The following VSIG10 variants were observed in gnomAD, a reference collection of about 807,000 sequenced individuals.
The protein encoded by VSIG10 is V-set and immunoglobulin domain-containing protein 10.
Under a neutral mutation model 58.7 loss-of-function variants are expected in VSIG10, and 48 were observed. That is an observed-to-expected ratio of 0.82 (90% CI 0.65 to 1.04). The LOEUF (loss-of-function observed/expected upper bound fraction) is 1.04, where lower values mean the gene tolerates loss of function less well. Among genes scored for constraint, VSIG10 ranks in the 50% least tolerant of loss-of-function variants. VSIG10 has a pLI of 0.00. For synonymous variants in VSIG10, 260 were observed against 267.1 expected, an observed-to-expected ratio of 0.97 and a Z score of 0.26; for missense variants, 628 against 670.0, an observed-to-expected ratio of 0.94 and a Z score of 0.69.
At chr12:118,102,337 C>G (rs2033642661) in intron 1 of VSIG10, 1 of 152,378 alleles carries the variant, frequency 6.6e-6, no homozygotes, top group African/African-American at 2.4e-5. Context: ...CTGTCCTCCC[C>G]CATCACCCAC....
intron 4 of VSIG10, among the ~76,000 whole-genome samples, chr12:118,079,050 A>G (rs540541553): frequency 6.6e-6 from 1 of 151,702 alleles, no homozygotes; most frequent in Non-Finnish European, 1.5e-5. Flanking sequence ...TGAACCTCAT[A>G]TGTCTTGTTC....
intron 3 of VSIG10, among the ~76,000 whole-genome samples, chr12:118,081,486 C>T (rs775773277): frequency 6.6e-6 from 1 of 151,720 alleles, no homozygotes; most frequent in Non-Finnish European, 1.5e-5. Context: ...TGAGCCCATT[C>T]AATTGTACAT....
At chr12:118,072,091 C>T (rs2032517906) in intron 5 of VSIG10, among the ~76,000 whole-genome samples, 1 of 152,016 alleles carries the variant, frequency 6.6e-6, no homozygotes, top group Non-Finnish European at 1.5e-5. Context: ...ATCACTTGAA[C>T]CCGGGAGGCG....
At position 118,096,316 on chromosome 12, in the gene VSIG10, C is replaced by T. The variant is rs367630438; in HGVS notation, c.80-502G>A. Among the ~76,000 whole-genome samples, 57 of 151,446 alleles carry T rather than the reference C, an allele frequency of 3.8e-4. No homozygotes were observed. The South Asian group carries it at 5.1e-3, about 13-fold the overall frequency. On this transcript the variant is annotated intron_variant, in intron 1 of 8. Coordinates refer to ENST00000359236, the MANE Select transcript of VSIG10 (RefSeq NM_019086.6). The stretch of plus-strand genomic sequence containing the variant: ...AATTGTGGCCGGGCATGGTGGCTAA[C>T]GCCTGTAATCCCAGCACTTTGGGAG...
intron 4 of VSIG10, among the ~76,000 whole-genome samples, chr12:118,076,197 C>CG (rs1460566132): frequency 6.6e-6 from 1 of 152,112 alleles, no homozygotes; most frequent in Non-Finnish European, 1.5e-5. Context: ...GAGTCTAGAA[C>CG]GTCTTACAAG....
Position 118,071,465 on chromosome 12 carries a change from A to C in VSIG10, c.1224T>G (p.Pro408=). 1 of 1,613,774 alleles carries C rather than the reference A, an allele frequency of 6.2e-7. No individual in the cohort carries two copies. The highest frequency in any genetic ancestry group is 8.5e-7 in the Non-Finnish European group (1 of 1,179,704). The change falls in exon 6 of 9, where the codon CCT becomes CCG. Residue 408 remains proline (P), a synonymous_variant. Transcript: ENST00000359236. The stretch of plus-strand genomic sequence containing the variant: ...TTCCCACAATCCCCCCGATATTTAA[A>C]GGTTCTGTAAAGACAAATCACACCA... ...EMEIWLSVKE[P]LNIGGIVGTI... is the part of the protein sequence containing the mutation.
chr12:118,085,178 G>C lies in VSIG10; in HGVS notation c.362-2749C>G, dbSNP rs897612110. 5.9e-5 allele frequency among the ~76,000 whole-genome samples: 9 copies of C among 152,232 alleles called. 1 individual carries two copies. In the East Asian group the frequency reaches 1.7e-3, roughly 29 times the overall value. On this transcript the variant is annotated intron_variant, in intron 2 of 8. Coordinates refer to ENST00000359236, the MANE Select transcript of VSIG10 (RefSeq NM_019086.6). The stretch of plus-strand genomic sequence containing the variant: ...GGCCTACACTGTGAGAAGACATAGC[G>C]ACACCACCACCAACACAGACAAAGA...
In VSIG10 at chr12:118,082,408, ACCTCAATCT is replaced by A; in HGVS notation, c.374_382del (p.Gln125_Val128delinsLeu). The A allele has an allele frequency of 6.2e-7, 1 of 1,611,394 alleles. No individual in the cohort carries two copies. The highest frequency in any genetic ancestry group is 1.3e-5 in the African/African-American group (1 of 74,982). On this transcript the variant is annotated inframe_deletion, in exon 3 of 9. Coordinates refer to ENST00000359236, the MANE Select transcript of VSIG10 (RefSeq NM_019086.6). ...GAGTGTGCCGGTGGCCACGATGTGGACCTCAATCTGATAGGGGCCGCCTGGGGATGACAG... is the reference window on the plus strand; with the variant it reads ...GAGTGTGCCGGTGGCCACGATGTGGAGATAGGGGCCGCCTGGGGATGACAG...
At position 118,087,854 on chromosome 12, in the gene VSIG10, AAAGAG is replaced by A. The variant is rs1415504465; in HGVS notation, c.362-5430_362-5426del. ...TCCTGTCTCAAAAAAAAAAAAAAAA[AAAGAG>A]AGAGAAGGAGGTAATGTGACTCAGC... On this transcript the variant is annotated intron_variant, in intron 2 of 8. Coordinates refer to ENST00000359236, the MANE Select transcript of VSIG10 (RefSeq NM_019086.6). 2.1e-3 allele frequency among the ~76,000 whole-genome samples: 302 copies of A among 144,364 alleles called. 1 individual carries two copies. Among genetic ancestry groups the A allele is most frequent in the South Asian group, 5.6e-3 (25 of 4,484 alleles). The allele number at this position is 144,364 out of a possible 152,430, so 94.7% of individuals were successfully genotyped here.
intron 2 of VSIG10, among the ~76,000 whole-genome samples, chr12:118,094,278 C>T (rs1293616583): frequency 6.6e-6 from 1 of 152,164 alleles, no homozygotes; most frequent in Non-Finnish European, 1.5e-5. Context: ...TATACTGTAA[C>T]TTTGTTACAT....
intron 7 of VSIG10, 119 bp downstream of exon 7, chr12:118,070,933 G>T: frequency 8.3e-7 from 1 of 1,201,648 alleles, no homozygotes; most frequent in Non-Finnish European, 1.2e-6. Context: ...CCAGTGTCTA[G>T]CACATCGTAG....
chr12:118,073,832 G>C lies in VSIG10; in HGVS notation c.1086C>G (p.Leu362=). The part of the protein sequence containing the change: ...EVIIQPSSRH[L]ITQDGQNSTL... ...TGGAGTTCTGGCCATCCTGGGTAAT[G>C]AGATGGCGGCTGCTAGGCTGGATGA... is the stretch of plus-strand genomic sequence containing the variant. The change falls in exon 5 of 9, where the codon CTC becomes CTG. Residue 362 remains leucine (L), a synonymous_variant. Coordinates refer to ENST00000359236, the MANE Select transcript of VSIG10 (RefSeq NM_019086.6). The C allele has an allele frequency of 6.2e-7, 1 of 1,613,998 alleles. No homozygotes were observed. The highest frequency in any genetic ancestry group is 1.1e-5 in the South Asian group (1 of 91,082).
At position 118,095,793 on chromosome 12, in the gene VSIG10, C is replaced by A. The variant is rs1478528593; in HGVS notation, c.101G>T (p.Gly34Val). 2 of 1,610,466 alleles carry A rather than the reference C, an allele frequency of 1.2e-6. No individual in the cohort carries two copies. Among genetic ancestry groups the A allele is most frequent in the East Asian group, 2.2e-5 (1 of 44,834 alleles). ...CAGAGTAACATTCTCATGAACTTCT[C>A]CAATGACAACAGCCTCCAATCCTGT... is the stretch of plus-strand genomic sequence containing the variant. ...VAVGLEAVVI[G>V]EVHENVTLHC... Residue 34 changes from glycine (G) to valine (V), a missense_variant, in exon 2 of 9, where the codon GGA becomes GTA. By Grantham distance (109) the Gly-to-Val change is moderately radical. Transcript: ENST00000359236.
rs746420527 is a variant in VSIG10, at chr12:118,071,420, C to T, written c.1269G>A (p.Leu423=). Reference sequence around the variant, plus strand: ...GCCCTGAGATAATGGCCAGTCCCAGCAGAAGGAGGCTCACAATGGTTCCCA... The same window carrying T: ...GCCCTGAGATAATGGCCAGTCCCAGTAGAAGGAGGCTCACAATGGTTCCCA... ...GIVGTIVSLL[L]LGLAIISGLL... Residue 423 remains leucine (L), a synonymous_variant, in exon 6 of 9, where the codon CTG becomes CTA. Coordinates refer to ENST00000359236, the MANE Select transcript of VSIG10 (RefSeq NM_019086.6). 5.0e-6 allele frequency: 8 copies of T among 1,613,934 alleles called. No homozygotes were observed. In the South Asian group the frequency reaches 8.8e-5, roughly 18 times the overall value.
rs577665804 is a variant in VSIG10 at position 118,103,377 on chromosome 12, C to G, written c.79+216G>C. On this transcript the variant is annotated intron_variant, in intron 1 of 8. Transcript: ENST00000359236. ...CTCACCGGCTGCCCACCCCAGGAGG[C>G]TGGGGGTATCTCGCCCCGCACCGGG... Among the ~76,000 whole-genome samples the G allele has an allele frequency of 7.2e-3, 1,098 of 152,202 alleles. 14 individuals carry two copies. The highest frequency in any genetic ancestry group is 0.025 in the African/African-American group (1,022 of 41,550).
intron 4 of VSIG10, among the ~76,000 whole-genome samples, chr12:118,076,264 T>A (rs10850954): frequency 0.67 from 101,185 of 152,070 alleles, 34,939 homozygotes; most frequent in East Asian, 0.99. Flanking sequence ...GAGCAAGCTT[T>A]TCCAACCTGC....
intron 8 of VSIG10, among the ~76,000 whole-genome samples, chr12:118,067,013 A>G (rs2032272213): frequency 6.6e-6 from 1 of 151,766 alleles, no homozygotes; most frequent in South Asian, 2.1e-4. Flanking sequence ...TCTTCCATAA[A>G]GCTTCCCCTG....
chr12:118,066,759 CATCA>C, intron 8 of VSIG10, 65 bp from the exon 9 acceptor site: 1 of 1,485,450 alleles, frequency 6.7e-7, no homozygotes, highest in Non-Finnish European at 9.1e-7. Flanking sequence ...CACCGTCAGT[CATCA>C]ATCATCTCAG....
chr12:118,073,580 T>G, intron 5 of VSIG10, 119 bp downstream of exon 5: 1 of 1,173,842 alleles, frequency 8.5e-7, no homozygotes, highest in South Asian at 1.7e-5. Context: ...CAAGCAGATA[T>G]GCCTTCTCCC....
Sources: allele counts gnomAD v4.1 joint callset (sites outside exome capture counted in the v4.1 genomes callset), GRCh38; gene constraint gnomAD v4.1.1; transcripts MANE v1.5; gene names NCBI Gene and HGNC (gene_info 2026-07-23, HGNC 2026-07-21).